TRPS1: variants seen among roughly 807,000 people sequenced by gnomAD.
TRPS1 encodes the protein transcriptional repressor GATA binding 1, also known as zinc finger transcription factor Trps1.
Under a neutral mutation model 101.2 loss-of-function variants are expected in TRPS1, and 6 were observed. That is an observed-to-expected ratio of 0.06 (90% confidence interval 0.03 to 0.12). The LOEUF (loss-of-function observed/expected upper bound fraction) is 0.12. TRPS1 is among the 10% of genes least tolerant of loss of function. The pLI, the probability that TRPS1 is intolerant of heterozygous loss-of-function variation, is 1.00. For synonymous variants in TRPS1, 578 were observed against 589.8 expected, an observed-to-expected ratio of 0.98 and a Z score of 0.29; for missense variants, 1,363 against 1,567.0, an observed-to-expected ratio of 0.87 and a Z score of 2.20.
chr8:115,587,717 A>G, intron 4 of TRPS1, 113 bp from the exon 5 acceptor site: 1 of 1,553,752 alleles, frequency 6.4e-7, no homozygotes, highest in Non-Finnish European at 8.8e-7. Flanking sequence ...TAGTAGGTAG[A>G]AAGAAATGCA....
intron 5 of TRPS1, among the ~76,000 whole-genome samples, chr8:115,466,422 C>G (rs1281025754): frequency 6.6e-6 from 1 of 152,112 alleles, no homozygotes; most frequent in South Asian, 2.1e-4. Context: ...TTTCCTTTCC[C>G]TAAATGTAGA....
At chr8:115,516,903 T>C (rs557056974) in intron 5 of TRPS1, among the ~76,000 whole-genome samples, 1 of 151,682 alleles carries the variant, frequency 6.6e-6, no homozygotes, top group African/African-American at 2.4e-5. Context: ...ACATATTTTA[T>C]AATTGTGTGA....
At chr8:115,436,096 A>C (rs1234713889) in intron 5 of TRPS1, among the ~76,000 whole-genome samples, 1 of 151,612 alleles carries the variant, frequency 6.6e-6, no homozygotes, top group East Asian at 1.9e-4. Flanking sequence ...TAAGCCTTTA[A>C]TCATTACTCA....
At chr8:115,638,863 A>C (rs1242974539) in intron 1 of TRPS1, among the ~76,000 whole-genome samples, 2 of 152,276 alleles carry the variant, frequency 1.3e-5, no homozygotes, top group East Asian at 1.9e-4. Context: ...TAAATGAATA[A>C]GATAATGTAT....
chr8:115,472,206 C>T (rs1814489671), intron 5 of TRPS1, among the ~76,000 whole-genome samples: 1 of 152,228 alleles, frequency 6.6e-6, no homozygotes, highest in Admixed American at 6.5e-5. Context: ...AACATCCATG[C>T]ATTTCCACAC....
intron 5 of TRPS1, among the ~76,000 whole-genome samples, chr8:115,431,911 T>C (rs1210762065): frequency 6.6e-6 from 1 of 151,862 alleles, no homozygotes; most frequent in Non-Finnish European, 1.5e-5. Context: ...TTGACTAACA[T>C]TGGCTACTTT....
chr8:115,497,214 G>A (rs1815169474), intron 5 of TRPS1, among the ~76,000 whole-genome samples: 1 of 152,186 alleles, frequency 6.6e-6, no homozygotes. Flanking sequence ...GAGGGGTATG[G>A]TTTGGGGATG....
Position 115,479,821 on chromosome 8 carries a change from G to A in TRPS1, c.2701-61369C>T, listed in dbSNP as rs1046271190. ...CCAGAATGATCAATGACAACATGAC[G>A]TAAACCTCAAATATATTTCTTAGAA... On this transcript the variant is annotated intron_variant, in intron 5 of 6. Transcript: ENST00000395715. 5.9e-5 allele frequency among the ~76,000 whole-genome samples: 9 copies of A among 152,068 alleles called. 1 individual carries two copies. Among genetic ancestry groups the A allele is most frequent in the African/African-American group, 1.7e-4 (7 of 41,428 alleles).
Position 115,533,453 on chromosome 8 carries a change from TTTTTTTC to T in TRPS1, c.2700+53541_2700+53547del, listed in dbSNP as rs1166912772. ...TGTAATCTGTTTTTTTTTTTTTTTT[TTTTTTTC>T]CTGAAAAAAATCATGAGTGAGTTAA... On this transcript the variant is annotated intron_variant, in intron 5 of 6. Coordinates refer to ENST00000395715, the MANE Select transcript of TRPS1 (RefSeq NM_014112.5). Among the ~76,000 whole-genome samples the T allele has an allele frequency of 3.2e-4, 43 of 135,452 alleles. 4 individuals are homozygous for T. The highest frequency in any genetic ancestry group is 2.9e-3 in the South Asian group (11 of 3,804). 88.9% of individuals were successfully genotyped at this position (135,452 alleles called of 152,430 possible).
rs758505672 is a variant in TRPS1, at chr8:115,619,125, T to C, written c.966+7A>G. 3 of 1,613,782 alleles carry C rather than the reference T, an allele frequency of 1.9e-6. No individual in the cohort carries two copies. The African/African-American group carries it at 4.0e-5, about 22-fold the overall frequency. The stretch of plus-strand genomic sequence containing the variant: ...TTCTGTACAAAGAGACAATACAAAG[T>C]ACAAACCTGCACATCATAGGTCCCA... On this transcript the variant is annotated splice_region_variant and intron_variant, in intron 3 of 6. Coordinates refer to ENST00000395715, the MANE Select transcript of TRPS1 (RefSeq NM_014112.5).
intron 1 of TRPS1, chr8:115,668,209 A>AGG (rs1168789369): frequency 9.1e-6 from 4 of 439,672 alleles, no homozygotes; most frequent in Non-Finnish European, 1.6e-5. Flanking sequence ...CACCAAAAGG[A>AGG]GGAGAGGAAG....
chr8:115,432,634 C>T (rs998320754), intron 5 of TRPS1, among the ~76,000 whole-genome samples: 5 of 151,752 alleles, frequency 3.3e-5, no homozygotes, highest in Admixed American at 3.3e-4. Context: ...AAAAGTGTGC[C>T]TGCTATATAA....
chr8:115,434,207 G>A (rs1020254188), intron 5 of TRPS1, among the ~76,000 whole-genome samples: 62 of 152,174 alleles, frequency 4.1e-4, no homozygotes, highest in African/African-American at 1.4e-3. Context: ...AATATTTTAC[G>A]TAGAATGTAA....
intron 5 of TRPS1, among the ~76,000 whole-genome samples, chr8:115,530,087 CAT>C (rs1816094373): frequency 6.6e-6 from 1 of 152,070 alleles, no homozygotes; most frequent in African/African-American, 2.4e-5. Context: ...TAAAAAAGTT[CAT>C]GTTATTAGTA....
rs746826895 is a variant in TRPS1, at chr8:115,414,304, G to A, written c.3604C>T (p.Pro1202Ser). The A allele has an allele frequency of 6.2e-7, 1 of 1,613,826 alleles. No homozygotes were observed. Among genetic ancestry groups the A allele is most frequent in the Non-Finnish European group, 8.5e-7 (1 of 1,179,924 alleles). ...GASKEKTKAPPNVKNEGPLNV... is the reference protein window; with the variant it reads ...GASKEKTKAPSNVKNEGPLNV... The stretch of plus-strand genomic sequence containing the variant: ...AAGGGACCTTCATTTTTTACATTTG[G>A]TGGTGCCTTCGTTTTCTCCTTGGAG... The change falls in exon 7 of 7, where the codon CCA (proline) becomes TCA (serine). Residue 1202 changes from proline (P) to serine (S), a missense_variant. Physicochemically the swap from Pro to Ser is moderately conservative, Grantham distance 74. Coordinates refer to ENST00000395715, the MANE Select transcript of TRPS1 (RefSeq NM_014112.5). This position sits in a 1 kb window ranked among gnomAD's most constrained non-coding sequence, Gnocchi z 4.8.
chr8:115,517,828 A>C (rs1815754147), intron 5 of TRPS1, among the ~76,000 whole-genome samples: 1 of 151,776 alleles, frequency 6.6e-6, no homozygotes. Context: ...TGATCATGAC[A>C]AAGAATGGCC....
intron 5 of TRPS1, among the ~76,000 whole-genome samples, chr8:115,420,239 T>G (rs963153683): frequency 1.3e-5 from 2 of 152,220 alleles, no homozygotes; most frequent in Admixed American, 1.3e-4. Context: ...GGTGTCAGTC[T>G]GCAAGTCCCA....
chr8:115,425,482 G>A (rs1813165146), intron 5 of TRPS1, among the ~76,000 whole-genome samples: 1 of 152,144 alleles, frequency 6.6e-6, no homozygotes, highest in South Asian at 2.1e-4. Flanking sequence ...TTTGTTCCAG[G>A]ACATGAGGCA....
rs1247805433 is a variant in TRPS1, at chr8:115,533,457, TTTC to T, written c.2700+53541_2700+53543del. On this transcript the variant is annotated intron_variant, in intron 5 of 6. Transcript: ENST00000395715. ...ATCTGTTTTTTTTTTTTTTTTTTTT[TTTC>T]CTGAAAAAAATCATGAGTGAGTTAA... Among the ~76,000 whole-genome samples, 117 of 133,640 alleles carry T rather than the reference TTTC, an allele frequency of 8.8e-4. 3 individuals carry two copies. Among genetic ancestry groups the T allele is most frequent in the African/African-American group, 2.3e-3 (80 of 34,534 alleles). The allele number at this position is 133,640 out of a possible 152,430, so 87.7% of individuals were successfully genotyped here. A position where few individuals can be genotyped will look rare whatever the true frequency, so the allele number is the denominator to read the frequency against.
Sources: gnomAD v4.1 joint callset for allele counts (sites outside exome capture counted in the v4.1 genomes callset) on GRCh38, gnomAD v4.1.1 for gene constraint, Gnocchi (gnomAD v3.1) non-coding constraint, MANE v1.5 for transcripts, NCBI Gene and HGNC (gene_info 2026-07-23, HGNC 2026-07-21) for gene names.